PAH: variants seen among roughly 807,000 people sequenced by gnomAD.
The protein encoded by PAH is phenylalanine hydroxylase.
A neutral mutation model predicts 62.0 loss-of-function variants in PAH; 64 were observed. The ratio of observed to expected loss-of-function variants is 1.03; its 90% CI spans 0.84 to 1.27. The LOEUF (loss-of-function observed/expected upper bound fraction) is 1.27, where lower values mean the gene tolerates loss of function less well. PAH is among the 50% of genes most tolerant of loss of function. The probability of loss-of-function intolerance (pLI) is 0.00; values close to 1 mark genes in which losing one functional copy is unlikely to be tolerated. For missense variants in PAH, 579 were observed against 542.8 expected (o/e 1.07, Z -0.66); for synonymous variants, 195 against 196.2 (o/e 0.99, Z 0.05).
intron 5 of PAH, among the ~76,000 whole-genome samples, chr12:102,866,083 G>A (rs369591083): frequency 8.3e-5 from 12 of 144,912 alleles, no homozygotes; most frequent in Non-Finnish European, 7.6e-5. Flanking sequence ...CCCCAGACAG[G>A]AAAAAAAAAA....
chr12:102,875,630 T>C (rs78176506), intron 4 of PAH, among the ~76,000 whole-genome samples: 6,319 of 152,250 alleles, frequency 0.042, 425 homozygotes, highest in African/African-American at 0.14. Context: ...GTAGGCTACA[T>C]GGTATATAGG....
At chr12:102,891,226 T>TC (rs976927305) in intron 3 of PAH, among the ~76,000 whole-genome samples, 2 of 152,180 alleles carry the variant, frequency 1.3e-5, no homozygotes, top group Admixed American at 6.5e-5. Context: ...GGGTGTGTCT[T>TC]CCCCTTTGCC....
At chr12:102,886,953 A>C (rs752941953) in intron 3 of PAH, among the ~76,000 whole-genome samples, 1 of 152,068 alleles carries the variant, frequency 6.6e-6, no homozygotes, top group Non-Finnish European at 1.5e-5. Flanking sequence ...GGCAACGCTG[A>C]CTCTGTGCTG....
upstream of PAH, chr12:102,917,600 G>T: frequency 4.5e-6 from 1 of 223,132 alleles, no homozygotes; most frequent in Non-Finnish European, 9.0e-6. Context: ...CTTACCCCCA[G>T]CTGAAACAGT....
At chr12:102,948,372 G>T (rs985111465) in intron 1 of PAH, among the ~76,000 whole-genome samples, 1 of 152,186 alleles carries the variant, frequency 6.6e-6, no homozygotes, top group Admixed American at 6.5e-5. Context: ...CCAAAGTGGG[G>T]CTCTTTTGGG....
chr12:102,896,040 G>A (rs1168403932), intron 2 of PAH, among the ~76,000 whole-genome samples: 5 of 151,980 alleles, frequency 3.3e-5, no homozygotes, highest in Admixed American at 3.3e-4. Flanking sequence ...TTCAAGTTGA[G>A]GGGATACAAA....
intron 4 of PAH, among the ~76,000 whole-genome samples, chr12:102,873,520 C>G (rs1445539628): frequency 6.6e-6 from 1 of 152,178 alleles, no homozygotes; most frequent in Non-Finnish European, 1.5e-5. Context: ...TTTTGCTGAG[C>G]AGTTAGCCTG....
intron 2 of PAH, among the ~76,000 whole-genome samples, chr12:102,899,802 T>A (rs1173373069): frequency 6.0e-4 from 67 of 111,882 alleles, no homozygotes; most frequent in African/African-American, 2.4e-3. Flanking sequence ...GAGCTTGCAG[T>A]GAGCCGAGAT....
exon 1 of PAH, chr12:102,958,255 C>G: frequency 6.8e-7 from 1 of 1,473,842 alleles, no homozygotes; most frequent in Non-Finnish European, 9.0e-7. Flanking sequence ...ATGGAAAGCT[C>G]TGCCAAGATG....
intron 5 of PAH, among the ~76,000 whole-genome samples, chr12:102,860,960 C>A (rs1875687432): frequency 1.3e-5 from 2 of 152,126 alleles, no homozygotes; most frequent in Non-Finnish European, 2.9e-5. Flanking sequence ...AAAGCAATGG[C>A]AACAAAAGCC....
chr12:102,875,247 C>T (rs902106207), intron 4 of PAH, among the ~76,000 whole-genome samples: 2 of 152,148 alleles, frequency 1.3e-5, no homozygotes, highest in Non-Finnish European at 2.9e-5. Flanking sequence ...CTTTTAAAAA[C>T]CAATGCATTC....
intron 1 of PAH, among the ~76,000 whole-genome samples, chr12:102,915,807 A>G (rs1878358346): frequency 6.8e-6 from 1 of 146,352 alleles, no homozygotes. Context: ...AACCATTGAT[A>G]TATATACAGC....
intron 2 of PAH, among the ~76,000 whole-genome samples, chr12:102,895,866 A>AT (rs1253140197): frequency 0.014 from 1,906 of 137,574 alleles, 18 homozygotes; most frequent in Admixed American, 0.029. Context: ...AAAAAAAAAA[A>AT]AAAATATATA....
intron 1 of PAH, among the ~76,000 whole-genome samples, chr12:102,932,010 T>C (rs560608268): frequency 6.6e-6 from 1 of 152,192 alleles, no homozygotes; most frequent in South Asian, 2.1e-4. Context: ...TGGCGGTGTG[T>C]GTGCTGAACA....
chr12:102,942,620 C>G (rs1038601338), intron 1 of PAH, among the ~76,000 whole-genome samples: 2 of 151,984 alleles, frequency 1.3e-5, no homozygotes, highest in African/African-American at 4.8e-5. Flanking sequence ...CAATCCTAAG[C>G]AAAAAGAACA....
intron 3 of PAH, among the ~76,000 whole-genome samples, chr12:102,888,983 G>A (rs1165737090): frequency 6.6e-6 from 1 of 152,024 alleles, no homozygotes; most frequent in East Asian, 1.9e-4. Context: ...GGAAGGTGGA[G>A]ACAGAAAAGC....
chr12:102,849,771 C>T (rs1192877021), intron 8 of PAH, among the ~76,000 whole-genome samples: 1 of 152,172 alleles, frequency 6.6e-6, no homozygotes, highest in African/African-American at 2.4e-5. Flanking sequence ...CTAGAGTTTG[C>T]CTACAACAAG....
chr12:102,932,271 C>T (rs987578580), intron 1 of PAH, among the ~76,000 whole-genome samples: 1 of 152,194 alleles, frequency 6.6e-6, no homozygotes, highest in Non-Finnish European at 1.5e-5. Flanking sequence ...CCTTCTTATA[C>T]TTACAGCTTA....
At chr12:102,927,506 T>A (rs1382351684) in intron 1 of PAH, among the ~76,000 whole-genome samples, 1 of 151,754 alleles carries the variant, frequency 6.6e-6, no homozygotes, top group African/African-American at 2.4e-5. Context: ...GCACATTATG[T>A]GTTCAATGCT....
Sources: allele counts gnomAD v4.1 joint callset (sites outside exome capture counted in the v4.1 genomes callset), GRCh38; gene constraint gnomAD v4.1.1; transcripts MANE v1.5; gene names NCBI Gene and HGNC (gene_info 2026-07-23, HGNC 2026-07-21).